Variants in FLNB observed in about 807,000 individuals in gnomAD.
The protein encoded by FLNB is filamin-B.
FLNB carries 111 observed loss-of-function variants against 250.6 expected under a neutral mutation model. The ratio of observed to expected loss-of-function variants is 0.44; its 90% CI spans 0.38 to 0.52. The LOEUF is 0.52. Among genes scored for constraint, FLNB ranks in the 20% least tolerant of loss-of-function variants. FLNB has a pLI of 0.00. For synonymous variants in FLNB, 1,302 were observed against 1,372.1 expected (o/e 0.95, Z 1.13); for missense variants, 2,869 against 3,447.8 (o/e 0.83, Z 4.20).
chr3:58,134,583 T>C (rs2107219853), intron 26 of FLNB, 33 bp from the exon 27 acceptor site: 1 of 1,613,104 alleles, frequency 6.2e-7, no homozygotes, highest in Non-Finnish European at 8.5e-7. Flanking sequence ...TGTATCTTTA[T>C]TGACTAGGGT....
intron 1 of FLNB, among the ~76,000 whole-genome samples, chr3:58,009,406 TG>T (rs1284322154): frequency 6.6e-6 from 1 of 152,166 alleles, no homozygotes; most frequent in East Asian, 1.9e-4. Flanking sequence ...GTCGCTGGAA[TG>T]GGTGTGGGCC....
chr3:58,015,785 C>T (rs1024110867), intron 1 of FLNB, among the ~76,000 whole-genome samples: 42 of 152,230 alleles, frequency 2.8e-4, no homozygotes, highest in African/African-American at 9.6e-4. Context: ...GATCTAGGTG[C>T]CAAGCCCTCT....
chr3:58,079,746 T>C (rs1317178010), intron 3 of FLNB, among the ~76,000 whole-genome samples: 1 of 152,170 alleles, frequency 6.6e-6, no homozygotes, highest in African/African-American at 2.4e-5. Flanking sequence ...GGAAAACCAG[T>C]GTTTTCTTTC....
At position 58,150,195 on chromosome 3, in the gene FLNB, GGA is replaced by G. The variant is rs762768877; in HGVS notation, c.6337_6338del (p.Ser2113HisfsTer3). The stretch of plus-strand genomic sequence containing the variant: ...CGGGCCCCGTCCGTGGCCACTGTCG[GGA>G]GCATTTGTGACCTGAACCTGAAAAT... On this transcript the variant is annotated frameshift_variant, in exon 38 of 46. Transcript: ENST00000295956. LOFTEE classifies it high-confidence loss of function. 1 of 1,614,222 alleles carries G rather than the reference GGA, an allele frequency of 6.2e-7. No homozygotes were observed. The highest frequency in any genetic ancestry group is 1.7e-5 in the Admixed American group (1 of 60,030).
intron 1 of FLNB, among the ~76,000 whole-genome samples, chr3:58,054,967 C>G (rs1439768891): frequency 6.6e-6 from 1 of 152,080 alleles, no homozygotes; most frequent in African/African-American, 2.4e-5. Context: ...CCCACAAAAC[C>G]TAAATATTTA....
Position 58,078,767 on chromosome 3 carries a change from G to A in FLNB, c.592G>A (p.Ala198Thr), listed in dbSNP as rs2106951996. Residue 198 changes from alanine (A) to threonine (T), a missense_variant, in exon 3 of 46, where the codon GCA becomes ACA. Around this residue, in one of 5 missense-constraint regions of FLNB, gnomAD observed 308 missense variants for 466.1 expected, o/e 0.66. Transcript: ENST00000295956. ...SWDPQKPVDN[A>T]REAMQQADDW... ...GGACCCGCAGAAGCCTGTGGATAAT[G>A]CACGAGAAGCCATGCAGCAGGCAGA... 2 of 1,613,968 alleles carry A rather than the reference G, an allele frequency of 1.2e-6. No individual in the cohort carries two copies. The highest frequency in any genetic ancestry group is 2.2e-5 in the East Asian group (1 of 44,878).
chr3:58,038,703 C>T (rs1240636425), intron 1 of FLNB, among the ~76,000 whole-genome samples: 2 of 151,864 alleles, frequency 1.3e-5, no homozygotes, highest in South Asian at 2.1e-4. Flanking sequence ...TCTGGGATTA[C>T]AGGAGCGAGC....
At chr3:58,054,510 G>A (rs772918424) in intron 1 of FLNB, among the ~76,000 whole-genome samples, 60 of 152,230 alleles carry the variant, frequency 3.9e-4, no homozygotes, top group East Asian at 1.5e-3. Context: ...GGGAAGTCTC[G>A]GGAAACTTAC....
chr3:58,099,508 ACT>A (rs962557339), intron 8 of FLNB, among the ~76,000 whole-genome samples: 68 of 149,664 alleles, frequency 4.5e-4, no homozygotes, highest in African/African-American at 1.5e-3. Context: ...CAAATGTTAG[ACT>A]CTCTCCCTCT....
Position 58,038,013 on chromosome 3 carries a change from T to G in FLNB, c.292+29157T>G, listed in dbSNP as rs185820845. ...AGACTTTGAGCCTGAGGCCTGTTCT[T>G]ATTGTTTGTTTGTTTGTTTGTTTGT... On this transcript the variant is annotated intron_variant, in intron 1 of 45. Coordinates refer to ENST00000295956, the MANE Select transcript of FLNB (RefSeq NM_001457.4). Among the ~76,000 whole-genome samples the G allele has an allele frequency of 1.3e-3, 197 of 152,112 alleles. 2 individuals carry two copies. The East Asian group carries it at 0.033, about 26-fold the overall frequency.
intron 22 of FLNB, among the ~76,000 whole-genome samples, chr3:58,124,866 C>T (rs1301262956): frequency 3.9e-5 from 6 of 152,246 alleles, no homozygotes; most frequent in Non-Finnish European, 8.8e-5. Context: ...AAAAAAGTGC[C>T]ATGTATATCT....
intron 1 of FLNB, among the ~76,000 whole-genome samples, chr3:58,050,021 C>CTTTTTTT (rs34910480): frequency 8.4e-5 from 11 of 130,480 alleles, no homozygotes; most frequent in South Asian, 2.4e-4. Context: ...TAGAAAATGC[C>CTTTTTTT]TTTTTTTTTT....
rs1171781553 is a variant in FLNB, at chr3:58,153,526, G to C, written c.6519G>C (p.Gly2173=). ...ACACGGTCAGCGTCAAGTACCGTGG[G>C]CAGCACGTCACCGGCAGCCCCTTCC... The part of the protein sequence containing the change: ...GVHTVSVKYR[G]QHVTGSPFQF... The change falls in exon 39 of 46, where the codon GGG becomes GGC. Residue 2173 remains glycine, a synonymous_variant. Coordinates refer to ENST00000295956, the MANE Select transcript of FLNB (RefSeq NM_001457.4). 2 of 1,614,202 alleles carry C rather than the reference G, an allele frequency of 1.2e-6. No homozygotes were observed. Among genetic ancestry groups the C allele is most frequent in the East Asian group, 2.2e-5 (1 of 44,882 alleles).
chr3:58,155,943 C>T lies in FLNB; in HGVS notation c.6773-17C>T, dbSNP rs201486505. The T allele has an allele frequency of 1.1e-5, 18 of 1,568,604 alleles. No homozygotes were observed. Among genetic ancestry groups the T allele is most frequent in the Middle Eastern group, 1.7e-4 (1 of 5,958 alleles). On this transcript the variant is annotated splice_polypyrimidine_tract_variant and intron_variant, in intron 40 of 45. Coordinates refer to ENST00000295956, the MANE Select transcript of FLNB (RefSeq NM_001457.4). ...GTCCAGAGTCTCTGAAATGATGGGA[C>T]TTTCCTGTCCTCATAGGTAACTACG...
At chr3:58,092,961 G>A (rs187659471) in intron 4 of FLNB, among the ~76,000 whole-genome samples, 7 of 152,252 alleles carry the variant, frequency 4.6e-5, no homozygotes, top group African/African-American at 1.7e-4. Flanking sequence ...CTATCTACCT[G>A]AAGTTAGTGC....
At chr3:58,033,074 A>G (rs549981589) in intron 1 of FLNB, among the ~76,000 whole-genome samples, 1 of 152,308 alleles carries the variant, frequency 6.6e-6, no homozygotes, top group African/African-American at 2.4e-5. Context: ...CATTGTCTCA[A>G]TCTCCCCACC....
chr3:58,124,581 A>G (rs2097294485), intron 22 of FLNB, 76 bp downstream of exon 22: 9 of 1,480,320 alleles, frequency 6.1e-6, no homozygotes, highest in Middle Eastern at 2.1e-4. Flanking sequence ...GCTGGTACTG[A>G]TGCCTGCCCC....
chr3:58,067,645 G>A (rs1166457333), intron 1 of FLNB, among the ~76,000 whole-genome samples: 1 of 147,984 alleles, frequency 6.8e-6, no homozygotes, highest in Non-Finnish European at 1.5e-5. Flanking sequence ...CGCCCAGGCT[G>A]GAGTGCAGTG....
intron 13 of FLNB, 103 bp from the exon 14 acceptor site, chr3:58,109,076 T>G: frequency 7.1e-7 from 1 of 1,402,224 alleles, no homozygotes; most frequent in African/African-American, 1.4e-5. Context: ...AGTTTTGTTG[T>G]ATAAGCAAGT....
Sources: allele counts gnomAD v4.1 joint callset (sites outside exome capture counted in the v4.1 genomes callset), GRCh38; gene constraint gnomAD v4.1.1; regional missense constraint gnomAD v4.1.1; transcripts MANE v1.5; gene names NCBI Gene and HGNC (gene_info 2026-07-23, HGNC 2026-07-21).